The following ST18 variants were observed in gnomAD, a reference collection of about 807,000 sequenced individuals.
ST18 encodes the protein suppression of tumorigenicity 18 protein.
ST18 carries 50 observed loss-of-function variants against 110.0 expected under a neutral mutation model. The observed-to-expected ratio is 0.45, with a 90% confidence interval of 0.36 to 0.58. The LOEUF (loss-of-function observed/expected upper bound fraction) is 0.58, where lower values mean the gene tolerates loss of function less well. Among genes scored for constraint, ST18 ranks in the 20% least tolerant of loss-of-function variants. The pLI is 0.00. For synonymous variants in ST18, 461 were observed against 452.4 expected (o/e 1.02, Z -0.24); for missense variants, 1,306 against 1,280.1 (o/e 1.02, Z -0.31).
chr8:52,304,978 C>T (rs1179819695), intron 2 of ST18, among the ~76,000 whole-genome samples: 1 of 152,116 alleles, frequency 6.6e-6, no homozygotes, highest in Non-Finnish European at 1.5e-5. Flanking sequence ...TGCTTTAATT[C>T]TATTTGCTCT....
chr8:52,167,624 C>T (rs371475503), intron 10 of ST18, among the ~76,000 whole-genome samples: 13 of 152,294 alleles, frequency 8.5e-5, no homozygotes, highest in South Asian at 4.1e-4. Flanking sequence ...GCAGTGAGCA[C>T]GGGGAAGAAG....
chr8:52,182,552 C>T (rs1269336825), intron 8 of ST18, among the ~76,000 whole-genome samples: 1 of 152,080 alleles, frequency 6.6e-6, no homozygotes, highest in East Asian at 1.9e-4. Context: ...AAATGAAAGA[C>T]AAATGCTGTG....
chr8:52,336,736 A>G (rs921096980), intron 2 of ST18, among the ~76,000 whole-genome samples: 32 of 152,236 alleles, frequency 2.1e-4, no homozygotes, highest in African/African-American at 7.7e-4. Flanking sequence ...TTATTAAGAC[A>G]GAAAATATAC....
rs147303949 is a variant in ST18 at position 52,111,948 on chromosome 8, CTG to C, written c.*1248_*1249del. On this transcript the variant is annotated 3_prime_UTR_variant, in exon 26 of 26. Transcript: ENST00000689386. The stretch of plus-strand genomic sequence containing the variant: ...GGCTCAATTTGAAGTGTGGATGAGT[CTG>C]TGTGTGTGTGTGTGTGTGTGTCTGT... The C allele has an allele frequency of 1.5e-3, 224 of 148,136 alleles. 1 individual carries two copies. The highest frequency in any genetic ancestry group is 2.4e-3 in the South Asian group (11 of 4,658). The allele number at this position is 148,136 out of a possible 1,614,324, so 9.2% of individuals were successfully genotyped here. A position where few individuals can be genotyped will look rare whatever the true frequency, so the allele number is the denominator to read the frequency against.
Position 52,137,445 on chromosome 8 carries a change from G to T in ST18, c.2207C>A (p.Thr736Lys). 6.2e-7 allele frequency: 1 copy of T among 1,614,098 alleles called. No individual in the cohort carries two copies. Among genetic ancestry groups the T allele is most frequent in the Non-Finnish European group, 8.5e-7 (1 of 1,180,016 alleles). ...TPGCDGSGHVTGNYASHRSVS... is the reference protein window; with the variant it reads ...TPGCDGSGHVKGNYASHRSVS... Reference sequence around the variant, plus strand: ...CCTGCGATGAGATGCATAGTTTCCTGTCACGTGGCCACTTCCATCACATCC... The same window carrying T: ...CCTGCGATGAGATGCATAGTTTCCTTTCACGTGGCCACTTCCATCACATCC... Residue 736 changes from threonine to lysine, a missense_variant, in exon 18 of 26, where the codon ACA becomes AAA. Transcript: ENST00000689386.
intron 2 of ST18, among the ~76,000 whole-genome samples, chr8:52,267,343 C>A (rs115282276): frequency 0.017 from 2,648 of 151,910 alleles, 68 homozygotes; most frequent in African/African-American, 0.061. Context: ...CAGGAACCAG[C>A]AACAAGGAAC....
intron 3 of ST18, among the ~76,000 whole-genome samples, chr8:52,226,430 T>C (rs2089443244): frequency 6.6e-6 from 1 of 152,176 alleles, no homozygotes; most frequent in Non-Finnish European, 1.5e-5. Context: ...TGTAAACACC[T>C]ACAGAAAGGA....
chr8:52,371,010 C>G (rs1305082516), intron 2 of ST18, among the ~76,000 whole-genome samples: 1 of 152,192 alleles, frequency 6.6e-6, no homozygotes, highest in Non-Finnish European at 1.5e-5. Flanking sequence ...AATCCTAATA[C>G]AACACTAGAC....
At chr8:52,407,881 CA>C (rs1185921730) in intron 2 of ST18, 1 of 152,168 alleles carries the variant, frequency 6.6e-6, no homozygotes, top group Non-Finnish European at 1.5e-5. Flanking sequence ...ATTTCCACCC[CA>C]ATTCATCAAT....
At chr8:52,247,551 TTA>T (rs2138059427) in intron 2 of ST18, among the ~76,000 whole-genome samples, 1 of 152,322 alleles carries the variant, frequency 6.6e-6, no homozygotes, top group Non-Finnish European at 1.5e-5. Context: ...GCCAAAACAG[TTA>T]TGTTTTCTGA....
intron 3 of ST18, among the ~76,000 whole-genome samples, chr8:52,228,420 T>C (rs2090238335): frequency 6.6e-6 from 1 of 152,214 alleles, no homozygotes; most frequent in Non-Finnish European, 1.5e-5. Flanking sequence ...TTCCAGAATG[T>C]CCTGACTGTT....
At chr8:52,161,311 G>C (rs2061397864) in intron 14 of ST18, 64 bp downstream of exon 14, 1 of 1,538,960 alleles carries the variant, frequency 6.5e-7, no homozygotes, top group Admixed American at 1.9e-5. Context: ...CTGGCCCCCA[G>C]TACACACATA....
chr8:52,216,481 G>A (rs937283893), intron 6 of ST18, among the ~76,000 whole-genome samples: 1 of 152,140 alleles, frequency 6.6e-6, no homozygotes, highest in African/African-American at 2.4e-5. Context: ...CAAGTTGCAG[G>A]AGTGAAATGG....
At chr8:52,282,987 C>T (rs1313096860) in intron 2 of ST18, among the ~76,000 whole-genome samples, 2 of 152,062 alleles carry the variant, frequency 1.3e-5, no homozygotes, top group Non-Finnish European at 2.9e-5. Context: ...CATAAGAAAA[C>T]AAGAGTGGAA....
chr8:52,118,679 CA>C (rs1353439988), intron 23 of ST18, among the ~76,000 whole-genome samples: 1 of 152,044 alleles, frequency 6.6e-6, no homozygotes, highest in Non-Finnish European at 1.5e-5. Context: ...AGTTATGTCC[CA>C]GGGGTGCTGC....
intron 2 of ST18, among the ~76,000 whole-genome samples, chr8:52,305,863 C>T (rs1385916121): frequency 6.6e-6 from 1 of 152,206 alleles, no homozygotes; most frequent in African/African-American, 2.4e-5. Flanking sequence ...TGCACCATTG[C>T]CTCTTCACTA....
At chr8:52,368,549 C>T (rs1418177097) in intron 2 of ST18, among the ~76,000 whole-genome samples, 1 of 152,112 alleles carries the variant, frequency 6.6e-6, no homozygotes, top group East Asian at 1.9e-4. Flanking sequence ...CATGTTTAAA[C>T]ATAATGGATG....
chr8:52,399,350 G>T (rs949219030), intron 2 of ST18, among the ~76,000 whole-genome samples: 1 of 151,492 alleles, frequency 6.6e-6, no homozygotes, highest in Non-Finnish European at 1.5e-5. Context: ...CTAGCTAGAG[G>T]ACTATTGATT....
At chr8:52,361,919 A>G (rs955145505) in intron 2 of ST18, among the ~76,000 whole-genome samples, 1 of 151,734 alleles carries the variant, frequency 6.6e-6, no homozygotes, top group Non-Finnish European at 1.5e-5. Context: ...TTTTTCTTTC[A>G]GGATGAAACC....
Sources: gnomAD v4.1 joint callset for allele counts (sites outside exome capture counted in the v4.1 genomes callset) on GRCh38, gnomAD v4.1.1 for gene constraint, MANE v1.5 for transcripts, NCBI Gene and HGNC (gene_info 2026-07-23, HGNC 2026-07-21) for gene names.